SSH1: variants seen among roughly 807,000 people sequenced by gnomAD.
The protein encoded by SSH1 is protein phosphatase Slingshot homolog 1.
SSH1 carries 43 observed loss-of-function variants against 79.7 expected under a neutral mutation model. That is an observed-to-expected ratio of 0.54 (90% CI 0.42 to 0.70). The LOEUF (loss-of-function observed/expected upper bound fraction) is 0.70, where lower values mean the gene tolerates loss of function less well. SSH1 is among the 30% of genes least tolerant of loss of function. SSH1 has a pLI of 0.00. For missense variants in SSH1, 1,206 were observed against 1,358.8 expected (o/e 0.89, Z 1.77); for synonymous variants, 599 against 538.3 (o/e 1.11, Z -1.56).
intron 7 of SSH1, 94 bp downstream of exon 7, chr12:108,809,599 G>C (rs879173441): frequency 2.8e-6 from 3 of 1,058,508 alleles, no homozygotes; most frequent in South Asian, 2.5e-5. Context: ...ATGCACATAC[G>C]TAACGAGCTT....
intron 13 of SSH1, 124 bp downstream of exon 13, chr12:108,798,876 G>T: frequency 9.2e-7 from 1 of 1,090,952 alleles, no homozygotes; most frequent in Non-Finnish European, 1.4e-6. Context: ...GCAGGATTTT[G>T]GCTGTGGAAG....
Position 108,788,644 on chromosome 12 carries a change from G to A in SSH1, c.2494C>T (p.Leu832=), listed in dbSNP as rs2036369981. The A allele has an allele frequency of 6.2e-7, 1 of 1,613,664 alleles. No homozygotes were observed. The highest frequency in any genetic ancestry group is 8.5e-7 in the Non-Finnish European group (1 of 1,179,688). The change falls in exon 15 of 15, where the codon CTG becomes TTG. Residue 832 remains leucine, a synonymous_variant. Transcript: ENST00000326495. ...VRKHTKELER[L]KSVPADPAPP... is the part of the protein sequence containing the mutation. ...GCTGGGTCTGCAGGCACGCTCTTCA[G>A]CCGCTCTAGCTCTTTGGTGTGCTTG... is the stretch of plus-strand genomic sequence containing the variant.
At chr12:108,803,130 A>C (rs2037097015) in intron 10 of SSH1, among the ~76,000 whole-genome samples, 1 of 152,212 alleles carries the variant, frequency 6.6e-6, no homozygotes, top group South Asian at 2.1e-4. Flanking sequence ...GTGCGTTTTC[A>C]AAGAAGCTAT....
chr12:108,808,359 A>G (rs2037394813), intron 7 of SSH1, among the ~76,000 whole-genome samples: 1 of 152,248 alleles, frequency 6.6e-6, no homozygotes, highest in Non-Finnish European at 1.5e-5. Context: ...CTTGGGACAT[A>G]TTCACTGATT....
In SSH1 at chr12:108,817,152, C is replaced by A. The variant is rs1173134343; in HGVS notation, c.287G>T (p.Arg96Leu). Residue 96 changes from arginine (R) to leucine (L), a missense_variant, in exon 5 of 15, where the codon CGC becomes CTC. This residue lies in a region of SSH1 where 115 missense variants were observed against 173.9 expected (regional missense o/e 0.66). Coordinates refer to ENST00000326495, the MANE Select transcript of SSH1 (RefSeq NM_018984.4). ...RCEDRIKLAV[R>L]LESAWADRVR... ...CCGGTCCGCCCAGGCGCTCTCCAGG[C>A]GCACTGCCTGGAACAGGGCAGACAT... 22 of 1,613,832 alleles carry A rather than the reference C, an allele frequency of 1.4e-5. No homozygotes were observed. The highest frequency in any genetic ancestry group is 2.2e-5 in the East Asian group (1 of 44,894).
rs2036180748 is a variant in SSH1, at chr12:108,783,269, A to C, written c.*4719T>G. 1 of 152,290 alleles carries C rather than the reference A, an allele frequency of 6.6e-6. No homozygotes were observed. The highest frequency in any genetic ancestry group is 1.5e-5 in the Non-Finnish European group (1 of 68,074). The allele number at this position is 152,290 out of a possible 1,614,324, so 9.4% of individuals were successfully genotyped here. Reference sequence around the variant, plus strand: ...AGCAAGGCTCCTTGGAATAGATGTGAACACACAATGTAAAACTGCATAGCA... The same window carrying C: ...AGCAAGGCTCCTTGGAATAGATGTGCACACACAATGTAAAACTGCATAGCA... On this transcript the variant is annotated 3_prime_UTR_variant, in exon 15 of 15. Transcript: ENST00000326495.
intron 2 of SSH1, among the ~76,000 whole-genome samples, chr12:108,846,660 C>A (rs922804423): frequency 2.0e-5 from 3 of 152,250 alleles, no homozygotes; most frequent in Admixed American, 6.5e-5. Flanking sequence ...AGTTACAACA[C>A]TGCTTCCTCC....
intron 2 of SSH1, among the ~76,000 whole-genome samples, chr12:108,844,298 G>A (rs759631508): frequency 2.0e-5 from 3 of 152,068 alleles, no homozygotes; most frequent in Non-Finnish European, 4.4e-5. Context: ...CAACATGGGC[G>A]GTTATTTTTA....
At chr12:108,831,806 T>C (rs994743404) in intron 2 of SSH1, among the ~76,000 whole-genome samples, 1 of 152,234 alleles carries the variant, frequency 6.6e-6, no homozygotes, top group Non-Finnish European at 1.5e-5. Flanking sequence ...TTGTGCTTTA[T>C]ATATCAGTTC....
rs562583605 is a variant in SSH1, at chr12:108,790,299, C to T, written c.1894-1055G>A. On this transcript the variant is annotated intron_variant, in intron 14 of 14. Transcript: ENST00000326495. ...CTGAGTAGCTGGGATTACAGGCATGCACCACCACAGCCAGCTAATTTAATA... is the reference window on the plus strand; with the variant it reads ...CTGAGTAGCTGGGATTACAGGCATGTACCACCACAGCCAGCTAATTTAATA... 6.6e-5 allele frequency among the ~76,000 whole-genome samples: 10 copies of T among 152,240 alleles called. No individual in the cohort carries two copies. The South Asian group carries it at 1.0e-3, about 16-fold the overall frequency.
rs1407081806 is a variant in SSH1 at position 108,781,406 on chromosome 12, GA to G, written c.*6581del. ...TGCACTCCAGGCTGTCTCAAAAAAA[GA>G]AAGACTTACCTAGCAGGACTAAATG... On this transcript the variant is annotated 3_prime_UTR_variant, in exon 15 of 15. Transcript: ENST00000326495. The G allele has an allele frequency of 6.6e-6, 1 of 152,210 alleles. No homozygotes were observed. The highest frequency in any genetic ancestry group is 1.5e-5 in the Non-Finnish European group (1 of 68,028). The allele number at this position is 152,210 out of a possible 1,614,324, so 9.4% of individuals were successfully genotyped here.
At chr12:108,806,269 C>A (rs2037267519) in intron 9 of SSH1, 32 bp downstream of exon 9, 4 of 1,590,518 alleles carry the variant, frequency 2.5e-6, no homozygotes. Context: ...TGCATGACCT[C>A]TGACCTGCAA....
At chr12:108,795,892 T>C (rs1425212282) in intron 13 of SSH1, among the ~76,000 whole-genome samples, 2 of 152,132 alleles carry the variant, frequency 1.3e-5, no homozygotes, top group East Asian at 3.9e-4. Flanking sequence ...TTTATTTATA[T>C]ATTTAAACAA....
chr12:108,797,283 C>G (rs115867142), intron 13 of SSH1, among the ~76,000 whole-genome samples: 4 of 151,888 alleles, frequency 2.6e-5, no homozygotes, highest in Admixed American at 6.6e-5. Flanking sequence ...CACGCCACCA[C>G]GCTGGGCTTT....
intron 14 of SSH1, among the ~76,000 whole-genome samples, chr12:108,790,445 C>A (rs1026465460): frequency 1.3e-5 from 2 of 152,074 alleles, no homozygotes; most frequent in Non-Finnish European, 2.9e-5. Context: ...GCACCATGCC[C>A]AGCTAATTTT....
At chr12:108,832,035 A>G (rs2038486141) in intron 2 of SSH1, among the ~76,000 whole-genome samples, 2 of 152,214 alleles carry the variant, frequency 1.3e-5, no homozygotes, top group African/African-American at 4.8e-5. Flanking sequence ...TTCTAGTTAT[A>G]GAGAGTTTGT....
chr12:108,808,292 C>T (rs2037391350), intron 7 of SSH1, among the ~76,000 whole-genome samples: 2 of 152,160 alleles, frequency 1.3e-5, no homozygotes, highest in South Asian at 2.1e-4. Context: ...CACATACAGG[C>T]GGCTGGGGAA....
At chr12:108,843,544 T>C (rs540868275) in intron 2 of SSH1, among the ~76,000 whole-genome samples, 1 of 152,138 alleles carries the variant, frequency 6.6e-6, no homozygotes, top group Admixed American at 6.5e-5. Flanking sequence ...GTTGTTTGTT[T>C]GTTGGTTTGA....
At chr12:108,808,006 C>T (rs2037372477) in intron 7 of SSH1, among the ~76,000 whole-genome samples, 179 bp from the exon 8 acceptor site, 2 of 152,104 alleles carry the variant, frequency 1.3e-5, no homozygotes, top group African/African-American at 4.8e-5. Flanking sequence ...GGCACGTTCT[C>T]GGCCCAATGC....
Sources: allele counts gnomAD v4.1 joint callset (sites outside exome capture counted in the v4.1 genomes callset), GRCh38; gene constraint gnomAD v4.1.1; regional missense constraint gnomAD v4.1.1; transcripts MANE v1.5; gene names NCBI Gene and HGNC (gene_info 2026-07-23, HGNC 2026-07-21).